The following PAM variants were observed in gnomAD, a reference collection of about 807,000 sequenced individuals.
PAM encodes peptidylglycine alpha-amidating monooxygenase.
PAM carries 72 observed loss-of-function variants against 122.1 expected under a neutral mutation model. That is an observed-to-expected ratio of 0.59 (90% CI 0.49 to 0.72). PAM has a LOEUF of 0.72. Among genes scored for constraint, PAM ranks in the 30% least tolerant of loss-of-function variants. The pLI is 0.00. For synonymous variants in PAM, 389 were observed against 404.4 expected (o/e 0.96, Z 0.46); for missense variants, 1,106 against 1,183.7 (o/e 0.93, Z 0.96).
intron 1 of PAM, among the ~76,000 whole-genome samples, chr5:102,815,792 A>T (rs1295706631): frequency 3.3e-5 from 5 of 152,186 alleles, no homozygotes; most frequent in Admixed American, 6.5e-5. Context: ...CAGAAACAAT[A>T]AGTTGGCATT....
At chr5:102,910,506 G>A (rs927251698) in intron 4 of PAM, among the ~76,000 whole-genome samples, 6 of 151,700 alleles carry the variant, frequency 4.0e-5, no homozygotes, top group African/African-American at 9.7e-5. Context: ...TAAAATGTTC[G>A]CTGATCTCAT....
chr5:102,945,636 G>C (rs1756787006), intron 7 of PAM, among the ~76,000 whole-genome samples: 1 of 151,746 alleles, frequency 6.6e-6, no homozygotes, highest in African/African-American at 2.4e-5. Flanking sequence ...GAGTTAATTT[G>C]CCTATCTATT....
chr5:102,933,613 T>G (rs934790900), intron 7 of PAM, among the ~76,000 whole-genome samples: 6 of 151,884 alleles, frequency 4.0e-5, no homozygotes, highest in African/African-American at 1.5e-4. Context: ...AGTAGTAGAG[T>G]GAAGAGCCAG....
intron 1 of PAM, among the ~76,000 whole-genome samples, chr5:102,761,656 A>T (rs533945433): frequency 1.3e-5 from 2 of 152,370 alleles, no homozygotes; most frequent in African/African-American, 4.8e-5. Flanking sequence ...GTAACATTTT[A>T]CTTATATAAA....
At chr5:102,847,298 G>C (rs1008337465) in intron 1 of PAM, among the ~76,000 whole-genome samples, 1 of 152,116 alleles carries the variant, frequency 6.6e-6, no homozygotes, top group African/African-American at 2.4e-5. Flanking sequence ...AACTAGCCAG[G>C]CATGGTGACA....
intron 14 of PAM, 29 bp from the exon 15 acceptor site, chr5:102,974,087 C>T (rs370179765): frequency 7.5e-5 from 115 of 1,542,600 alleles, no homozygotes; most frequent in Middle Eastern, 3.4e-4. Context: ...CTACCCTCCA[C>T]GCCCTTATCT....
chr5:102,854,355 A>C (rs1248419854), intron 1 of PAM, among the ~76,000 whole-genome samples: 1 of 152,188 alleles, frequency 6.6e-6, no homozygotes, highest in Non-Finnish European at 1.5e-5. Flanking sequence ...TCTCTATACT[A>C]TACTGCCTGC....
At chr5:102,795,132 G>A (rs1413937943) in intron 1 of PAM, among the ~76,000 whole-genome samples, 1 of 130,908 alleles carries the variant, frequency 7.6e-6, no homozygotes, top group African/African-American at 2.9e-5. Flanking sequence ...TGAGGCCATA[G>A]TGAGTCATGA....
intron 15 of PAM, 29 bp downstream of exon 15, chr5:102,974,465 A>C: frequency 6.8e-7 from 1 of 1,461,916 alleles, no homozygotes; most frequent in Non-Finnish European, 9.4e-7. Context: ...TTAAGCAGTA[A>C]AGTGTGAAAT....
intron 7 of PAM, among the ~76,000 whole-genome samples, chr5:102,940,172 G>A (rs1200649799): frequency 6.8e-6 from 1 of 146,952 alleles, no homozygotes; most frequent in Admixed American, 6.8e-5. Context: ...ACATATATAT[G>A]AAAACACCCT....
At chr5:102,912,078 A>G (rs1455263774) in intron 4 of PAM, among the ~76,000 whole-genome samples, 3 of 152,012 alleles carry the variant, frequency 2.0e-5, no homozygotes, top group South Asian at 2.1e-4. Context: ...GGTGCTTGAA[A>G]CATTGTTTTG....
rs1205950026 is a variant in PAM at position 102,916,683 on chromosome 5, T to C, written c.356+2662T>C. 2.7e-5 allele frequency among the ~76,000 whole-genome samples: 4 copies of C among 147,398 alleles called. No homozygotes were observed. The East Asian group carries it at 7.8e-4, about 29-fold the overall frequency. On this transcript the variant is annotated intron_variant, in intron 5 of 25. Coordinates refer to ENST00000438793, the MANE Select transcript of PAM (RefSeq NM_001177306.2). ...ATATAAAGATTATAATACATATTTA[T>C]ATGTATATTTGTATATAATATATGA...
chr5:103,011,092 A>G (rs72785723), intron 21 of PAM, among the ~76,000 whole-genome samples: 23,184 of 152,104 alleles, frequency 0.15, 2,159 homozygotes, highest in Middle Eastern at 0.21. Flanking sequence ...AAAAACAAAC[A>G]AACAAAAAAC....
intron 5 of PAM, among the ~76,000 whole-genome samples, chr5:102,918,051 T>C (rs1746052661): frequency 6.6e-6 from 1 of 152,174 alleles, no homozygotes; most frequent in Non-Finnish European, 1.5e-5. Flanking sequence ...TAATATACTG[T>C]AGGGTGGTCC....
intron 1 of PAM, among the ~76,000 whole-genome samples, chr5:102,860,489 C>G (rs748892033): frequency 7.2e-5 from 11 of 152,108 alleles, no homozygotes; most frequent in Middle Eastern, 3.4e-3. Context: ...TTGAGACCAG[C>G]CTGGGAAACG....
intron 1 of PAM, among the ~76,000 whole-genome samples, chr5:102,815,014 TCTTTA>T (rs893297756): frequency 1.3e-5 from 2 of 152,168 alleles, no homozygotes; most frequent in Admixed American, 1.3e-4. Context: ...CTAGTCCTTC[TCTTTA>T]CTTTTATTCC....
intron 1 of PAM, among the ~76,000 whole-genome samples, chr5:102,844,168 T>C (rs901507472): frequency 6.6e-6 from 1 of 151,972 alleles, no homozygotes; most frequent in Admixed American, 6.5e-5. Context: ...TGGATGGATC[T>C]CAAGGGATGA....
At chr5:102,836,858 C>CTGAG (rs745900009) in intron 1 of PAM, among the ~76,000 whole-genome samples, 6 of 50,034 alleles carry the variant, frequency 1.2e-4, no homozygotes, top group Admixed American at 9.8e-4. Context: ...AAGAAAGAAA[C>CTGAG]CGAGAGAGAG....
intron 16 of PAM, among the ~76,000 whole-genome samples, chr5:102,999,017 AAAC>A (rs1321927145): frequency 6.6e-6 from 1 of 152,282 alleles, no homozygotes; most frequent in Non-Finnish European, 1.5e-5. Flanking sequence ...GGGGAAGCAA[AAAC>A]GTCCTTCACA....
Sources: allele counts gnomAD v4.1 joint callset (sites outside exome capture counted in the v4.1 genomes callset), GRCh38; gene constraint gnomAD v4.1.1; transcripts MANE v1.5; gene names NCBI Gene and HGNC (gene_info 2026-07-23, HGNC 2026-07-21).